CDKN2A: variants seen among roughly 807,000 people sequenced by gnomAD.
The protein encoded by CDKN2A is cyclin-dependent kinase inhibitor 2A.
A neutral mutation model predicts 11.1 loss-of-function variants in CDKN2A; 3 were observed. The ratio of observed to expected loss-of-function variants is 0.27; its 90% CI spans 0.12 to 0.70. CDKN2A has a LOEUF of 0.70. Among genes scored for constraint, CDKN2A ranks in the 30% least tolerant of loss-of-function variants. The pLI, the probability that CDKN2A is intolerant of heterozygous loss-of-function variation, is 0.77. For missense variants in CDKN2A, 265 were observed against 233.6 expected (o/e 1.13, Z -0.88); for synonymous variants, 122 against 108.1 (o/e 1.13, Z -0.80).
chr9:21,981,460 T>C lies in CDKN2A; in HGVS notation c.-3-10252A>G, dbSNP rs1820196566. Among the ~76,000 whole-genome samples, 5 of 151,956 alleles carry C rather than the reference T, an allele frequency of 3.3e-5. No homozygotes were observed. In the South Asian group the frequency reaches 1.0e-3, roughly 32 times the overall value. ...CTCCCAGGTACAGCTGTGTTAAGCC[T>C]TCATAGATGAGTTCTAGAATAGGAT... is the stretch of plus-strand genomic sequence containing the variant. On this transcript the variant is annotated intron_variant, in intron 2 of 3. Coordinates refer to the CDKN2A transcript ENST00000494262.
intron 2 of CDKN2A, among the ~76,000 whole-genome samples, chr9:21,990,540 G>T (rs1820403428): frequency 7.0e-6 from 1 of 143,536 alleles, no homozygotes; most frequent in African/African-American, 2.6e-5. Context: ...AAAGTGAAAC[G>T]AAGAAAATAA....
chr9:21,986,907 G>C (rs756517867), intron 2 of CDKN2A, among the ~76,000 whole-genome samples: 1 of 152,040 alleles, frequency 6.6e-6, no homozygotes, highest in Non-Finnish European at 1.5e-5. Flanking sequence ...GACAGCTGCT[G>C]TTTCTTTAAA....
chr9:21,970,037 G>A (rs1343002526), intron 2 of CDKN2A, among the ~76,000 whole-genome samples: 1 of 151,982 alleles, frequency 6.6e-6, no homozygotes, highest in Admixed American at 6.6e-5. Flanking sequence ...AAATATTCGT[G>A]TTAATTCCCG....
chr9:21,991,828 C>T lies in CDKN2A; in HGVS notation c.-4+2054G>A, dbSNP rs1820438007. ...GCTATGGTTCACTTGGAACACAATACAAACTGTGAATCATGTACACATGGG... is the reference window on the plus strand; with the variant it reads ...GCTATGGTTCACTTGGAACACAATATAAACTGTGAATCATGTACACATGGG... On this transcript the variant is annotated intron_variant, in intron 2 of 3. Coordinates refer to the CDKN2A transcript ENST00000494262. The surrounding 1 kb of genome is among the most constrained non-coding windows in gnomAD (Gnocchi z 5.2). 1 of 984,850 alleles carries T rather than the reference C, an allele frequency of 1.0e-6. No homozygotes were observed. The highest frequency in any genetic ancestry group is 1.2e-6 in the Non-Finnish European group (1 of 829,530). 61.0% of individuals were successfully genotyped at this position (984,850 alleles called of 1,614,324 possible). A position where few individuals can be genotyped will look rare whatever the true frequency, so the allele number is the denominator to read the frequency against.
upstream of CDKN2A, chr9:21,974,886 G>C (rs1819973714): frequency 2.7e-6 from 4 of 1,466,834 alleles, no homozygotes; most frequent in Non-Finnish European, 3.6e-6. The surrounding 1 kb of genome is among the most constrained non-coding windows in gnomAD (Gnocchi z 5.2). Context: ...GAGCGCACGC[G>C]GTCCGCCCCA....
rs1820419620 is a variant in CDKN2A at position 21,991,120 on chromosome 9, T to C, written c.-4+2762A>G. Among the ~76,000 whole-genome samples, 1 of 152,180 alleles carries C rather than the reference T, an allele frequency of 6.6e-6. No individual in the cohort carries two copies. Among genetic ancestry groups the C allele is most frequent in the Admixed American group, 6.5e-5 (1 of 15,276 alleles). On this transcript the variant is annotated intron_variant, in intron 2 of 3. Transcript: ENST00000494262. This position sits in a 1 kb window ranked among gnomAD's most constrained non-coding sequence, Gnocchi z 5.2. ...GTTTATATAACTTAAACTGCCAAAA[T>C]AAAGCACCACAAAAACTTTTTATCA... is the stretch of plus-strand genomic sequence containing the variant.
At chr9:21,992,247 A>G (rs1587355708) in intron 2 of CDKN2A, 4 of 944,580 alleles carry the variant, frequency 4.2e-6, no homozygotes, top group Non-Finnish European at 5.0e-6. Context: ...CATAATTAGT[A>G]TCCATATATA....
At chr9:21,989,869 T>G (rs1425503170) in intron 2 of CDKN2A, 8 of 151,966 alleles carry the variant, frequency 5.3e-5, no homozygotes, top group Non-Finnish European at 1.0e-4. Context: ...GTGCGCGCGG[T>G]GGAGTGATAA....
In CDKN2A at chr9:21,974,162, A is replaced by G. The variant is rs1819909543; in HGVS notation, c.150+516T>C. Among the ~76,000 whole-genome samples, 1 of 152,162 alleles carries G rather than the reference A, an allele frequency of 6.6e-6. No individual in the cohort carries two copies. The highest frequency in any genetic ancestry group is 6.5e-5 in the Admixed American group (1 of 15,282). On this transcript the variant is annotated intron_variant, in intron 1 of 2. Transcript: ENST00000304494. The surrounding 1 kb of genome is among the most constrained non-coding windows in gnomAD (Gnocchi z 5.2). The stretch of plus-strand genomic sequence containing the variant: ...CGCCTTGATCTCCCAAAGTGAAGGG[A>G]TTACAAGGCGTGAGGCACCGCGCCC...
At position 21,994,225 on chromosome 9, in the gene CDKN2A, G is replaced by T. The variant is rs1396662899; in HGVS notation, c.-175-172C>A. 6.2e-7 allele frequency: 1 copy of T among 1,605,412 alleles called. No homozygotes were observed. Among genetic ancestry groups the T allele is most frequent in the East Asian group, 2.2e-5 (1 of 44,794 alleles). Reference sequence around the variant, plus strand: ...GGCCACAGCGGCGGGCGCCCCTGGCGCTGCCCACTCCCCCGTGAGCCGCGG... The same window carrying T: ...GGCCACAGCGGCGGGCGCCCCTGGCTCTGCCCACTCCCCCGTGAGCCGCGG... On this transcript the variant is annotated intron_variant, in intron 1 of 3. Coordinates refer to the CDKN2A transcript ENST00000494262.
At chr9:21,976,166 G>A (rs954040333), upstream of CDKN2A, among the ~76,000 whole-genome samples, 4 of 152,046 alleles carry the variant, frequency 2.6e-5, no homozygotes, top group African/African-American at 9.7e-5. Context: ...ATCACCTGAG[G>A]TCAGGAGTTC....
exon 2 of CDKN2A, chr9:21,994,034 C>T: frequency 7.8e-7 from 1 of 1,275,194 alleles, no homozygotes; most frequent in Non-Finnish European, 1.1e-6. Context: ...GCGGTTATCT[C>T]CTCCTCCTCC....
In CDKN2A at chr9:21,971,196, C is replaced by T; in HGVS notation, c.163G>A (p.Gly55Ser). 1 of 1,597,762 alleles carries T rather than the reference C, an allele frequency of 6.3e-7. No individual in the cohort carries two copies. The highest frequency in any genetic ancestry group is 8.5e-7 in the Non-Finnish European group (1 of 1,178,986). The change falls in exon 2 of 3, where the codon GGC (glycine) becomes AGC (serine). Residue 55 changes from glycine to serine, a missense_variant. Coordinates refer to ENST00000304494, the MANE Select transcript of CDKN2A (RefSeq NM_000077.5). ...AGCAGCTCCGCCACTCGGGCGCTGCCCATCATCATGACCTGCCAGAGAGAA... is the reference window on the plus strand; with the variant it reads ...AGCAGCTCCGCCACTCGGGCGCTGCTCATCATCATGACCTGCCAGAGAGAA... The part of the protein sequence containing the change: ...GRRPIQVMMM[G>S]SARVAELLLL...
rs944861201 is a variant in CDKN2A, at chr9:21,968,096, T to G, written c.*133A>C. ...ATCTACGTTAAAAGGCAGGACATTT[T>G]TAAAAGCTCTATTTTCTAAATGAAA... On this transcript the variant is annotated 3_prime_UTR_variant, in exon 3 of 3. Coordinates refer to ENST00000304494, the MANE Select transcript of CDKN2A (RefSeq NM_000077.5). This position sits in a 1 kb window ranked among gnomAD's most constrained non-coding sequence, Gnocchi z 4.7. 4.9e-6 allele frequency: 4 copies of G among 811,856 alleles called. No individual in the cohort carries two copies. In the African/African-American group the frequency reaches 6.7e-5, roughly 14 times the overall value. 50.3% of individuals were successfully genotyped at this position (811,856 alleles called of 1,614,324 possible).
intron 2 of CDKN2A, among the ~76,000 whole-genome samples, chr9:21,983,175 G>A (rs909606113): frequency 2.6e-5 from 4 of 151,988 alleles, no homozygotes; most frequent in Non-Finnish European, 5.9e-5. Flanking sequence ...GACACGCAAA[G>A]TCCCCTGAAA....
Position 21,974,604 on chromosome 9 carries a change from T to G in CDKN2A, c.150+74A>C. Reference sequence around the variant, plus strand: ...CCGGAGAATCGAAGCGCTACCTGATTCCAATTCCCCTGCAAACTTCGTCCT... The same window carrying G: ...CCGGAGAATCGAAGCGCTACCTGATGCCAATTCCCCTGCAAACTTCGTCCT... On this transcript the variant is annotated intron_variant, in intron 1 of 2. Coordinates refer to ENST00000304494, the MANE Select transcript of CDKN2A (RefSeq NM_000077.5). This position sits in a 1 kb window ranked among gnomAD's most constrained non-coding sequence, Gnocchi z 5.2. The G allele has an allele frequency of 6.2e-7, 1 of 1,613,776 alleles. No individual in the cohort carries two copies. Among genetic ancestry groups the G allele is most frequent in the East Asian group, 2.2e-5 (1 of 44,870 alleles).
Position 21,974,396 on chromosome 9 carries a change from G to C in CDKN2A, c.150+282C>G. 1 of 1,584,434 alleles carries C rather than the reference G, an allele frequency of 6.3e-7. No homozygotes were observed. The highest frequency in any genetic ancestry group is 8.6e-7 in the Non-Finnish European group (1 of 1,162,950). On this transcript the variant is annotated intron_variant, in intron 1 of 2. Coordinates refer to ENST00000304494, the MANE Select transcript of CDKN2A (RefSeq NM_000077.5). This position sits in a 1 kb window ranked among gnomAD's most constrained non-coding sequence, Gnocchi z 5.2. ...GTTCGTAAATTTTGTATCTGATAAA[G>C]AGCATACTTCCATCTAATACAAATA...
In CDKN2A at chr9:21,988,195, C is replaced by T. The variant is rs1288837743; in HGVS notation, c.-4+5687G>A. 6.6e-6 allele frequency among the ~76,000 whole-genome samples: 1 copy of T among 152,114 alleles called. No individual in the cohort carries two copies. The highest frequency in any genetic ancestry group is 1.9e-4 in the East Asian group (1 of 5,206). Reference sequence around the variant, plus strand: ...TTCTCTCTTAAAAAAATCCTACTGCCTTCACAACCATTTAAATAATTTATG... The same window carrying T: ...TTCTCTCTTAAAAAAATCCTACTGCTTTCACAACCATTTAAATAATTTATG... On this transcript the variant is annotated intron_variant, in intron 2 of 3. Transcript: ENST00000494262. This position sits in a 1 kb window ranked among gnomAD's most constrained non-coding sequence, Gnocchi z 4.1.
At chr9:21,976,657 G>A (rs1489743150), upstream of CDKN2A, among the ~76,000 whole-genome samples, 1 of 152,140 alleles carries the variant, frequency 6.6e-6, no homozygotes, top group Non-Finnish European at 1.5e-5. Flanking sequence ...GGCGGAGGTT[G>A]CAGTGAGCCG....
Sources: gnomAD v4.1 joint callset for allele counts (sites outside exome capture counted in the v4.1 genomes callset) on GRCh38, gnomAD v4.1.1 for gene constraint, Gnocchi (gnomAD v3.1) non-coding constraint, MANE v1.5 for transcripts, NCBI Gene and HGNC (gene_info 2026-07-23, HGNC 2026-07-21) for gene names.